The following SYT7 variants were observed in gnomAD, a reference collection of about 807,000 sequenced individuals.
SYT7 encodes synaptotagmin 7.
In SYT7, 29 loss-of-function variants were observed where a neutral mutation model predicts 75.1. The observed-to-expected ratio is 0.39, with a 90% CI of 0.29 to 0.53. The LOEUF is 0.53. Ranked by LOEUF, SYT7 falls within the 20% of genes least tolerant of loss-of-function variation. The pLI is 0.77. For missense variants in SYT7, 693 were observed against 953.2 expected, an observed-to-expected ratio of 0.73 and a Z score of 3.59; for synonymous variants, 376 against 401.7, an observed-to-expected ratio of 0.94 and a Z score of 0.76.
Position 61,580,981 on chromosome 11 carries a change from G to GCCGCCCGCCAGCCCTC in SYT7, c.-177_-162dup. 1 of 976,388 alleles carries GCCGCCCGCCAGCCCTC rather than the reference G, an allele frequency of 1.0e-6. No homozygotes were observed. The highest frequency in any genetic ancestry group is 1.2e-6 in the Non-Finnish European group (1 of 823,622). 60.5% of individuals were successfully genotyped at this position (976,388 alleles called of 1,614,324 possible). A position where few individuals can be genotyped will look rare whatever the true frequency, so the allele number is the denominator to read the frequency against. On this transcript the variant is annotated 5_prime_UTR_variant, in exon 1 of 13. Coordinates refer to ENST00000539008, the MANE Select transcript of SYT7 (RefSeq NM_001365809.2). This position sits in a 1 kb window ranked among gnomAD's most constrained non-coding sequence, Gnocchi z 6.1. ...CTAGCCGCGGAGCCGGGGAGCGGGG[G>GCCGCCCGCCAGCCCTC]CCGCCCGCCAGCCCTCCCGCCCGCC...
chr11:61,574,873 C>T (rs891078022), intron 1 of SYT7, among the ~76,000 whole-genome samples: 2 of 152,172 alleles, frequency 1.3e-5, no homozygotes, highest in South Asian at 2.1e-4. Flanking sequence ...GAGCAGCTGC[C>T]GCGGCAGGGT....
rs549253689 is a variant in SYT7, at chr11:61,513,830, C to T, written c.*4797G>A. The stretch of plus-strand genomic sequence containing the variant: ...ATCTACACAAGACACGACACATACA[C>T]GCAGGACACAGACACGGGGAGCGGG... On this transcript the variant is annotated 3_prime_UTR_variant, in exon 13 of 13. Coordinates refer to ENST00000539008, the MANE Select transcript of SYT7 (RefSeq NM_001365809.2). 3.3e-5 allele frequency among the ~76,000 whole-genome samples: 5 copies of T among 152,224 alleles called. No individual in the cohort carries two copies. Among genetic ancestry groups the T allele is most frequent in the African/African-American group, 7.2e-5 (3 of 41,464 alleles).
At chr11:61,531,891 CAAAAAAA>C (rs58242073) in intron 8 of SYT7, among the ~76,000 whole-genome samples, 2 of 49,412 alleles carry the variant, frequency 4.0e-5, no homozygotes, top group East Asian at 7.4e-4. Flanking sequence ...GATTCTGTCT[CAAAAAAA>C]AAAAAAAAAA....
chr11:61,555,079 G>A (rs2063456970), intron 2 of SYT7, among the ~76,000 whole-genome samples: 1 of 152,190 alleles, frequency 6.6e-6, no homozygotes, highest in African/African-American at 2.4e-5. Context: ...GAGGAGTGGG[G>A]CATGAAGCCT....
intron 1 of SYT7, among the ~76,000 whole-genome samples, chr11:61,579,534 T>TG (rs1590969271): frequency 2.0e-5 from 3 of 151,850 alleles, no homozygotes; most frequent in East Asian, 1.9e-4. Flanking sequence ...AAAGAATCGA[T>TG]GGGGGGTGGG....
At chr11:61,574,432 C>T (rs1256658553) in intron 1 of SYT7, among the ~76,000 whole-genome samples, 1 of 152,168 alleles carries the variant, frequency 6.6e-6, no homozygotes, top group Non-Finnish European at 1.5e-5. Context: ...ATGTAAAGTG[C>T]TCAGCACATA....
chr11:61,561,333 C>T (rs895863331), intron 1 of SYT7, among the ~76,000 whole-genome samples: 3 of 152,160 alleles, frequency 2.0e-5, no homozygotes, highest in African/African-American at 7.2e-5. Context: ...AGGTCCAATG[C>T]CGGGATGTCT....
rs61897350 is a variant in SYT7 at position 61,578,966 on chromosome 11, G to A, written c.31+1824C>T. 2.0e-4 allele frequency among the ~76,000 whole-genome samples: 31 copies of A among 152,338 alleles called. 1 individual carries two copies. The highest frequency in any genetic ancestry group is 1.8e-3 in the Admixed American group (27 of 15,306). ...CTGCCAGCACACCAGGGATGGTACT[G>A]GACTCCAGACCCTTTGCCTAGAAGA... On this transcript the variant is annotated intron_variant, in intron 1 of 12. Coordinates refer to ENST00000539008, the MANE Select transcript of SYT7 (RefSeq NM_001365809.2).
intron 9 of SYT7, among the ~76,000 whole-genome samples, chr11:61,525,069 C>T (rs912545854): frequency 3.9e-5 from 6 of 152,184 alleles, no homozygotes; most frequent in Non-Finnish European, 8.8e-5. Flanking sequence ...CTCCTCCTGC[C>T]TGTGCTTCCA....
rs1386974483 is a variant in SYT7 at position 61,553,520 on chromosome 11, C to G, written c.136-2057G>C. Reference sequence around the variant, plus strand: ...CCACAGACATCCTGGGAGCCTCTGTCTGCCCCTTCTCCTTCCCCAACTCCG... The same window carrying G: ...CCACAGACATCCTGGGAGCCTCTGTGTGCCCCTTCTCCTTCCCCAACTCCG... On this transcript the variant is annotated intron_variant, in intron 2 of 12. Coordinates refer to ENST00000539008, the MANE Select transcript of SYT7 (RefSeq NM_001365809.2). The surrounding 1 kb of genome is among the most constrained non-coding windows in gnomAD (Gnocchi z 5.2). Among the ~76,000 whole-genome samples, 1 of 152,232 alleles carries G rather than the reference C, an allele frequency of 6.6e-6. No homozygotes were observed. Among genetic ancestry groups the G allele is most frequent in the African/African-American group, 2.4e-5 (1 of 41,466 alleles).
chr11:61,555,539 C>G (rs1051177366), intron 2 of SYT7, among the ~76,000 whole-genome samples: 2 of 152,190 alleles, frequency 1.3e-5, no homozygotes, highest in African/African-American at 4.8e-5. Flanking sequence ...TAATCCTGCT[C>G]GTTAATTCCC....
rs34301756 is a variant in SYT7 at position 61,558,505 on chromosome 11, T to TACACACACAC, written c.32-2308_32-2299dup. ...ATATATACACACACACACACACACA[T>TACACACACAC]ACACACACACACACACACACACACA... On this transcript the variant is annotated intron_variant, in intron 1 of 12. Transcript: ENST00000539008. 3.3e-3 allele frequency among the ~76,000 whole-genome samples: 439 copies of TACACACACAC among 134,618 alleles called. 4 individuals are homozygous for TACACACACAC. Among genetic ancestry groups the TACACACACAC allele is most frequent in the African/African-American group, 0.012 (423 of 35,944 alleles). 88.3% of individuals were successfully genotyped at this position (134,618 alleles called of 152,430 possible).
chr11:61,573,886 C>T (rs1220366114), intron 1 of SYT7, among the ~76,000 whole-genome samples: 2 of 152,354 alleles, frequency 1.3e-5, no homozygotes, highest in East Asian at 1.9e-4. Flanking sequence ...GGTCTGGCAG[C>T]GTGGCTGGAA....
In SYT7 at chr11:61,546,215, C is replaced by A. The variant is rs1173264308; in HGVS notation, c.388G>T (p.Gly130Trp). The change falls in exon 5 of 13, where the codon GGG (glycine) becomes TGG (tryptophan). Residue 130 changes from glycine to tryptophan, a missense_variant. By Grantham distance (184) the Gly-to-Trp change is radical (BLOSUM62 -2). Around this residue, in one of 2 missense-constraint regions of SYT7, gnomAD observed 487 missense variants for 593.2 expected, o/e 0.82. Transcript: ENST00000539008. The surrounding 1 kb of genome is among the most constrained non-coding windows in gnomAD (Gnocchi z 7.6). Reference protein sequence around the residue: ...LSGAKVAAAAGLAVEREGRLG... With the variant: ...LSGAKVAAAAWLAVEREGRLG... ...CGGCCTTCCCGCTCCACCGCCAGCC[C>A]CGCCGCGGCGGCCACTTTGGCGCCC... The A allele has an allele frequency of 8.1e-6, 12 of 1,475,766 alleles. No individual in the cohort carries two copies. The Admixed American group carries it at 2.7e-4, about 33-fold the overall frequency. The allele number at this position is 1,475,766 out of a possible 1,614,324, so 91.4% of individuals were successfully genotyped here.
At chr11:61,537,130 A>C (rs1157463583) in intron 7 of SYT7, among the ~76,000 whole-genome samples, 1 of 152,182 alleles carries the variant, frequency 6.6e-6, no homozygotes, top group Non-Finnish European at 1.5e-5. Context: ...GCCAGGCCCC[A>C]TGCTCCCTTG....
At chr11:61,585,114 G>A (rs951635179), upstream of SYT7, among the ~76,000 whole-genome samples, 1 of 152,198 alleles carries the variant, frequency 6.6e-6, no homozygotes, top group Non-Finnish European at 1.5e-5. Flanking sequence ...TGCTGGGCCT[G>A]CACTCTCCCA....
chr11:61,572,496 G>A (rs1286470714), intron 1 of SYT7, among the ~76,000 whole-genome samples: 1 of 152,182 alleles, frequency 6.6e-6, no homozygotes, highest in Non-Finnish European at 1.5e-5. Flanking sequence ...GAGTGAGGCC[G>A]ACTTGCAATC....
intron 12 of SYT7, among the ~76,000 whole-genome samples, chr11:61,519,764 C>T (rs1220612278): frequency 6.6e-6 from 1 of 152,222 alleles, no homozygotes; most frequent in African/African-American, 2.4e-5. Flanking sequence ...ACTCTCTCTA[C>T]TATCTTTGCC....
At position 61,576,902 on chromosome 11, in the gene SYT7, C is replaced by T. The variant is rs1332395100; in HGVS notation, c.31+3888G>A. Among the ~76,000 whole-genome samples the T allele has an allele frequency of 6.6e-6, 1 of 152,140 alleles. No homozygotes were observed. The highest frequency in any genetic ancestry group is 2.4e-5 in the African/African-American group (1 of 41,418). Reference sequence around the variant, plus strand: ...AGCTTGGGGTCAGCCAGGAGCAGAACCCAGCTGCCCAGGGCCTGTCTTTGC... The same window carrying T: ...AGCTTGGGGTCAGCCAGGAGCAGAATCCAGCTGCCCAGGGCCTGTCTTTGC... On this transcript the variant is annotated intron_variant, in intron 1 of 12. Transcript: ENST00000539008. This position sits in a 1 kb window ranked among gnomAD's most constrained non-coding sequence, Gnocchi z 4.1.
Sources: gnomAD v4.1 joint callset for allele counts (sites outside exome capture counted in the v4.1 genomes callset) on GRCh38, gnomAD v4.1.1 for gene constraint, gnomAD v4.1.1 regional missense constraint, Gnocchi (gnomAD v3.1) non-coding constraint, MANE v1.5 for transcripts, NCBI Gene and HGNC (gene_info 2026-07-23, HGNC 2026-07-21) for gene names.